The following L3MBTL4 variants were observed in gnomAD, a reference collection of about 807,000 sequenced individuals.
The protein encoded by L3MBTL4 is lethal(3)malignant brain tumor-like protein 4.
Under a neutral mutation model 84.5 loss-of-function variants are expected in L3MBTL4, and 70 were observed. That is an observed-to-expected ratio of 0.83 (90% CI 0.68 to 1.01). The LOEUF is 1.01. Ranked by LOEUF, L3MBTL4 falls within the 50% of genes least tolerant of loss-of-function variation. L3MBTL4 has a pLI of 0.00. For synonymous variants in L3MBTL4, 274 were observed against 259.8 expected, an observed-to-expected ratio of 1.05 and a Z score of -0.52; for missense variants, 715 against 754.8, an observed-to-expected ratio of 0.95 and a Z score of 0.62.
chr18:6,169,884 A>C (rs910627156), intron 13 of L3MBTL4, among the ~76,000 whole-genome samples: 2 of 151,970 alleles, frequency 1.3e-5, no homozygotes, highest in Non-Finnish European at 2.9e-5. Context: ...AACCCTAATC[A>C]CATTAATTTT....
chr18:6,167,404 T>A (rs2043728232), intron 13 of L3MBTL4, among the ~76,000 whole-genome samples: 1 of 152,214 alleles, frequency 6.6e-6, no homozygotes, highest in Non-Finnish European at 1.5e-5. Flanking sequence ...ATATCCTTGA[T>A]GAACATTCAT....
chr18:6,091,676 T>C (rs2058462976), intron 15 of L3MBTL4, among the ~76,000 whole-genome samples: 1 of 152,164 alleles, frequency 6.6e-6, no homozygotes, highest in African/African-American at 2.4e-5. Flanking sequence ...AGGCAACATA[T>C]CTGTGTTTGC....
At chr18:6,134,266 C>T (rs371369012) in intron 14 of L3MBTL4, among the ~76,000 whole-genome samples, 16 of 152,250 alleles carry the variant, frequency 1.1e-4, no homozygotes, top group South Asian at 1.0e-3. Context: ...CCACAACACT[C>T]GGGAATTCTG....
At chr18:6,074,122 T>A (rs530398901) in intron 16 of L3MBTL4, among the ~76,000 whole-genome samples, 1 of 152,356 alleles carries the variant, frequency 6.6e-6, no homozygotes, top group Admixed American at 6.5e-5. Context: ...TGGGACATCT[T>A]CATGCTGTTC....
chr18:5,989,010 T>A (rs1161133815), intron 16 of L3MBTL4, among the ~76,000 whole-genome samples: 1 of 152,188 alleles, frequency 6.6e-6, no homozygotes, highest in Admixed American at 6.5e-5. Flanking sequence ...GTGGTGCACC[T>A]TTGAGGACTT....
intron 15 of L3MBTL4, among the ~76,000 whole-genome samples, chr18:6,091,903 A>T (rs888873144): frequency 5.3e-5 from 8 of 152,224 alleles, no homozygotes; most frequent in African/African-American, 1.9e-4. Flanking sequence ...GGAATAAATA[A>T]GCACTGTTCC....
intron 14 of L3MBTL4, among the ~76,000 whole-genome samples, chr18:6,102,607 C>A (rs1263750598): frequency 6.6e-6 from 1 of 152,230 alleles, no homozygotes; most frequent in Admixed American, 6.5e-5. Flanking sequence ...CACAATTTAG[C>A]CCACTGGGCT....
intron 16 of L3MBTL4, among the ~76,000 whole-genome samples, chr18:5,988,742 G>C (rs1215036557): frequency 3.3e-5 from 5 of 152,200 alleles, no homozygotes; most frequent in South Asian, 4.1e-4. Context: ...GGGTTGTCAA[G>C]TCAGATTAGA....
At chr18:6,294,156 T>C (rs2049990467) in intron 4 of L3MBTL4, among the ~76,000 whole-genome samples, 1 of 152,156 alleles carries the variant, frequency 6.6e-6, no homozygotes, top group Non-Finnish European at 1.5e-5. Context: ...ACTTACTCTC[T>C]AATTCAGGAG....
intron 16 of L3MBTL4, among the ~76,000 whole-genome samples, chr18:5,992,894 C>A (rs895561550): frequency 2.0e-5 from 3 of 152,196 alleles, no homozygotes; most frequent in Non-Finnish European, 4.4e-5. Context: ...ATAAATTACT[C>A]AGTCTCTGGT....
At chr18:6,017,224 G>C (rs1429541323) in intron 16 of L3MBTL4, among the ~76,000 whole-genome samples, 1 of 152,214 alleles carries the variant, frequency 6.6e-6, no homozygotes, top group African/African-American at 2.4e-5. Context: ...AGCTGATGTT[G>C]AAAGAAACAT....
At chr18:6,360,358 A>C (rs2053631431) in intron 1 of L3MBTL4, among the ~76,000 whole-genome samples, 1 of 152,196 alleles carries the variant, frequency 6.6e-6, no homozygotes, top group Non-Finnish European at 1.5e-5. Flanking sequence ...GTGAAAGAGT[A>C]AGACCCTGTC....
chr18:6,235,024 T>C lies in L3MBTL4; in HGVS notation c.784+2940A>G, dbSNP rs1204042456. Among the ~76,000 whole-genome samples the C allele has an allele frequency of 1.3e-5, 2 of 152,142 alleles. 1 individual carries two copies. The highest frequency in any genetic ancestry group is 4.1e-4 in the South Asian group (2 of 4,824). On this transcript the variant is annotated intron_variant, in intron 10 of 18. Coordinates refer to ENST00000317931, the MANE Select transcript of L3MBTL4 (RefSeq NM_001330559.2). ...GAGATCATGTCATTTTTTAGGAACA[T>C]GGATGAAGCTGGAAACCATCATTCT...
intron 16 of L3MBTL4, among the ~76,000 whole-genome samples, chr18:6,050,527 C>T (rs901755823): frequency 6.6e-6 from 1 of 152,106 alleles, no homozygotes; most frequent in Non-Finnish European, 1.5e-5. Flanking sequence ...CTATTATTAC[C>T]TGTGCACAAT....
chr18:6,046,809 C>A, intron 16 of L3MBTL4: 1 of 749,868 alleles, frequency 1.3e-6, no homozygotes, highest in South Asian at 1.5e-5. Context: ...TTAGCAAGAT[C>A]TCAAACTAAC....
chr18:6,356,058 C>G (rs2053431113), intron 1 of L3MBTL4, among the ~76,000 whole-genome samples: 1 of 152,310 alleles, frequency 6.6e-6, no homozygotes, highest in South Asian at 2.1e-4. Context: ...GAACTTCAGA[C>G]AGCAATGATG....
intron 1 of L3MBTL4, among the ~76,000 whole-genome samples, chr18:6,337,075 C>A (rs2052375146): frequency 6.6e-6 from 1 of 151,820 alleles, no homozygotes; most frequent in Non-Finnish European, 1.5e-5. Context: ...CATAACAAGT[C>A]AGTAGAACAT....
intron 9 of L3MBTL4, among the ~76,000 whole-genome samples, chr18:6,239,052 G>C (rs1461611710): frequency 6.6e-6 from 1 of 152,026 alleles, no homozygotes; most frequent in Non-Finnish European, 1.5e-5. Context: ...TTAAAAATGT[G>C]ATAAGGTGGC....
chr18:6,149,855 C>T (rs998322500), intron 13 of L3MBTL4, among the ~76,000 whole-genome samples: 4 of 152,196 alleles, frequency 2.6e-5, no homozygotes, highest in Admixed American at 6.5e-5. Flanking sequence ...CCCCTTCTCT[C>T]TTTCTCTCTC....
Sources: gnomAD v4.1 joint callset for allele counts (sites outside exome capture counted in the v4.1 genomes callset) on GRCh38, gnomAD v4.1.1 for gene constraint, MANE v1.5 for transcripts, NCBI Gene and HGNC (gene_info 2026-07-23, HGNC 2026-07-21) for gene names.